Variants in NT5E observed in about 807,000 individuals in gnomAD.
The protein encoded by NT5E is 5'-nucleotidase ecto.
NT5E carries 53 observed loss-of-function variants against 55.1 expected under a neutral mutation model. The observed-to-expected ratio is 0.96, with a 90% CI of 0.77 to 1.21. The LOEUF is 1.21. Among genes scored for constraint, NT5E ranks in the 50% most tolerant of loss-of-function variants. The pLI is 0.00. For synonymous variants in NT5E, 270 were observed against 278.4 expected (o/e 0.97, Z 0.30); for missense variants, 683 against 724.3 (o/e 0.94, Z 0.65).
chr6:85,479,336 T>C (rs1379900649), intron 3 of NT5E, among the ~76,000 whole-genome samples: 2 of 152,210 alleles, frequency 1.3e-5, no homozygotes, highest in Non-Finnish European at 2.9e-5. Flanking sequence ...CAGTATATGT[T>C]TCCCCCAGGC....
chr6:85,478,827 C>A (rs1769486854), intron 3 of NT5E, among the ~76,000 whole-genome samples: 1 of 151,452 alleles, frequency 6.6e-6, no homozygotes, highest in Non-Finnish European at 1.5e-5. Context: ...TATTATCTCT[C>A]TATATATATA....
In NT5E at chr6:85,450,334, C is replaced by T. The variant is rs1380841581; in HGVS notation, c.195C>T (p.Phe65=). 2.5e-6 allele frequency: 4 copies of T among 1,597,236 alleles called. No homozygotes were observed. In the Admixed American group the frequency reaches 7.0e-5, roughly 28 times the overall value. ...GCATGGGTGGCGTGGCTCGGCTCTT[C>T]ACCAAGGTTCAGCAGATCCGCCGCG... ...SRCMGGVARL[F]TKVQQIRRAE... is the part of the protein sequence containing the mutation. Residue 65 remains phenylalanine (F), a synonymous_variant, in exon 1 of 9, where the codon TTC becomes TTT. Coordinates refer to ENST00000257770, the MANE Select transcript of NT5E (RefSeq NM_002526.4). This position sits in a 1 kb window ranked among gnomAD's most constrained non-coding sequence, Gnocchi z 4.0.
intron 1 of NT5E, among the ~76,000 whole-genome samples, chr6:85,462,377 A>G (rs541477514): frequency 6.6e-6 from 1 of 152,224 alleles, no homozygotes; most frequent in South Asian, 2.1e-4. Context: ...CGATGCTCTT[A>G]GCAGCATCAT....
At chr6:85,454,510 T>A (rs923781205) in intron 1 of NT5E, among the ~76,000 whole-genome samples, 1 of 152,242 alleles carries the variant, frequency 6.6e-6, no homozygotes. Flanking sequence ...TGGTATTTTT[T>A]AAATTGGGTT....
At chr6:85,458,682 A>C (rs1027382568) in intron 1 of NT5E, among the ~76,000 whole-genome samples, 1 of 152,188 alleles carries the variant, frequency 6.6e-6, no homozygotes, top group Non-Finnish European at 1.5e-5. Flanking sequence ...AGTTCTATAT[A>C]TAATCCAAAT....
chr6:85,470,582 C>G (rs139861272), intron 2 of NT5E, among the ~76,000 whole-genome samples: 2 of 152,346 alleles, frequency 1.3e-5, no homozygotes, highest in East Asian at 3.9e-4. Context: ...TTCCAAGTAC[C>G]TGGCATGTGC....
At chr6:85,476,908 G>C (rs777117601) in intron 3 of NT5E, among the ~76,000 whole-genome samples, 1 of 152,136 alleles carries the variant, frequency 6.6e-6, no homozygotes, top group African/African-American at 2.4e-5. Flanking sequence ...TGGGGGGCAG[G>C]GCGGGCCAGG....
chr6:85,484,824 G>C (rs564938056), intron 3 of NT5E, among the ~76,000 whole-genome samples: 1 of 152,240 alleles, frequency 6.6e-6, no homozygotes, highest in African/African-American at 2.4e-5. Flanking sequence ...TGTAAAATAG[G>C]GATTGTTTAA....
chr6:85,487,515 A>G, intron 5 of NT5E, 26 bp downstream of exon 5: 1 of 1,613,816 alleles, frequency 6.2e-7, no homozygotes, highest in Non-Finnish European at 8.5e-7. Context: ...GAGTGGACAT[A>G]TGCTAGGGAG....
At chr6:85,484,067 G>A (rs1299151802) in intron 3 of NT5E, among the ~76,000 whole-genome samples, 1 of 152,160 alleles carries the variant, frequency 6.6e-6, no homozygotes, top group Non-Finnish European at 1.5e-5. Flanking sequence ...AAGCTTGGAG[G>A]ACTAAATGAG....
intron 1 of NT5E, among the ~76,000 whole-genome samples, chr6:85,462,198 A>G (rs909255393): frequency 2.6e-5 from 4 of 151,856 alleles, no homozygotes; most frequent in African/African-American, 9.7e-5. Context: ...CAGTCTCTTC[A>G]CCACCAGGCT....
At chr6:85,484,182 C>G (rs914269834) in intron 3 of NT5E, among the ~76,000 whole-genome samples, 1 of 152,232 alleles carries the variant, frequency 6.6e-6, no homozygotes, top group East Asian at 1.9e-4. Flanking sequence ...CTAATAGGAA[C>G]GACTAGCCAT....
intron 3 of NT5E, among the ~76,000 whole-genome samples, chr6:85,471,951 C>T (rs1422437381): frequency 6.6e-6 from 1 of 152,168 alleles, no homozygotes; most frequent in African/African-American, 2.4e-5. Flanking sequence ...GACCCTGGGT[C>T]CTCAGGAGAG....
At chr6:85,471,838 G>C (rs1026556121) in intron 3 of NT5E, among the ~76,000 whole-genome samples, 2 of 152,070 alleles carry the variant, frequency 1.3e-5, no homozygotes, top group Non-Finnish European at 2.9e-5. Flanking sequence ...TATAACTCAA[G>C]GTGGATTTGA....
chr6:85,470,450 T>C (rs1769282132), intron 2 of NT5E, among the ~76,000 whole-genome samples: 1 of 152,190 alleles, frequency 6.6e-6, no homozygotes, highest in Non-Finnish European at 1.5e-5. Context: ...GCATTATTTA[T>C]ATATTTATAT....
chr6:85,493,890 A>T lies in NT5E; in HGVS notation c.1611A>T (p.Val537=). 2.5e-6 allele frequency: 4 copies of T among 1,614,048 alleles called. No homozygotes were observed. Among genetic ancestry groups the T allele is most frequent in the Non-Finnish European group, 3.4e-6 (4 of 1,179,946 alleles). ...CTACATATATCTCCAAAATGAAAGTAATTTATCCAGCAGTTGAAGGTCGGA... is the reference window on the plus strand; with the variant it reads ...CTACATATATCTCCAAAATGAAAGTTATTTATCCAGCAGTTGAAGGTCGGA... ...VVSTYISKMK[V]IYPAVEGRIK... The change falls in exon 9 of 9, where the codon GTA becomes GTT. Residue 537 remains valine, a synonymous_variant. Transcript: ENST00000257770.
intron 3 of NT5E, among the ~76,000 whole-genome samples, chr6:85,479,738 A>G (rs1383409484): frequency 1.3e-5 from 2 of 152,220 alleles, no homozygotes; most frequent in African/African-American, 4.8e-5. Flanking sequence ...GCCAAGATGA[A>G]AATTAGTCTC....
chr6:85,472,551 C>G (rs1035781111), intron 3 of NT5E, among the ~76,000 whole-genome samples: 1 of 152,174 alleles, frequency 6.6e-6, no homozygotes, highest in Non-Finnish European at 1.5e-5. Context: ...TCACTTAGCA[C>G]CTCTGAATCT....
chr6:85,465,811 G>T (rs1356261361), intron 1 of NT5E, among the ~76,000 whole-genome samples: 1 of 152,218 alleles, frequency 6.6e-6, no homozygotes, highest in Non-Finnish European at 1.5e-5. Context: ...ATAAAAGAAA[G>T]ATCCTGCTAA....
Sources: gnomAD v4.1 joint callset for allele counts (sites outside exome capture counted in the v4.1 genomes callset) on GRCh38, gnomAD v4.1.1 for gene constraint, Gnocchi (gnomAD v3.1) non-coding constraint, MANE v1.5 for transcripts, NCBI Gene and HGNC (gene_info 2026-07-23, HGNC 2026-07-21) for gene names.